CACNA1C: variants seen among roughly 807,000 people sequenced by gnomAD.
CACNA1C encodes voltage-dependent L-type calcium channel subunit alpha-1C.
A neutral mutation model predicts 229.0 loss-of-function variants in CACNA1C; 30 were observed. That is an observed-to-expected ratio of 0.13 (90% confidence interval 0.10 to 0.18). The LOEUF is 0.18. CACNA1C is among the 10% of genes least tolerant of loss of function. The probability of loss-of-function intolerance (pLI) is 1.00; values close to 1 mark genes in which losing one functional copy is unlikely to be tolerated. For synonymous variants in CACNA1C, 1,114 were observed against 1,132.5 expected, an observed-to-expected ratio of 0.98 and a Z score of 0.33; for missense variants, 1,658 against 2,845.0, an observed-to-expected ratio of 0.58 and a Z score of 9.49.
chr12:2,685,135 T>C (rs1012061271), intron 43 of CACNA1C, among the ~76,000 whole-genome samples: 1 of 152,192 alleles, frequency 6.6e-6, no homozygotes, highest in African/African-American at 2.4e-5. Context: ...CAGGTGTGTC[T>C]GTGCATGATG....
intron 13 of CACNA1C, among the ~76,000 whole-genome samples, chr12:2,572,370 C>CCTCTTCCTCCTCCT (rs1568495611): frequency 0.018 from 31 of 1,728 alleles, 5 homozygotes; most frequent in Non-Finnish European, 0.028. Context: ...TCCTCCTTCT[C>CCTCTTCCTCCTCCT]CTCTTCCTCC....
chr12:2,619,252 G>A lies in CACNA1C; in HGVS notation c.3828+7239G>A, dbSNP rs1308477553. On this transcript the variant is annotated intron_variant, in intron 29 of 46. Coordinates refer to ENST00000399655, the MANE Select transcript of CACNA1C (RefSeq NM_000719.7). ...AGGAAGACTGCCTTAGCATACTGTGGTGAGACTGAGTGAGGTCATATCTAC... is the reference window on the plus strand; with the variant it reads ...AGGAAGACTGCCTTAGCATACTGTGATGAGACTGAGTGAGGTCATATCTAC... Among the ~76,000 whole-genome samples, 4 of 152,302 alleles carry A rather than the reference G, an allele frequency of 2.6e-5. No homozygotes were observed. The South Asian group carries it at 6.2e-4, about 24-fold the overall frequency.
chr12:2,671,808 C>T (rs1441168534), intron 38 of CACNA1C, among the ~76,000 whole-genome samples: 4 of 152,212 alleles, frequency 2.6e-5, no homozygotes. Flanking sequence ...GAATTACAGA[C>T]TATCTTTTAA....
chr12:2,614,177 C>A (rs2079247868), intron 29 of CACNA1C: 2 of 152,216 alleles, frequency 1.3e-5, no homozygotes, highest in Non-Finnish European at 1.5e-5. Context: ...TGCGAGTGGT[C>A]TAAACTGTAA....
chr12:2,640,099 A>G (rs956554269), intron 30 of CACNA1C, among the ~76,000 whole-genome samples: 7 of 152,212 alleles, frequency 4.6e-5, no homozygotes, highest in African/African-American at 1.2e-4. Flanking sequence ...CGGATCAGGC[A>G]TCATGCTGAG....
chr12:2,582,580 TG>T (rs999924415), intron 14 of CACNA1C, among the ~76,000 whole-genome samples: 12 of 152,312 alleles, frequency 7.9e-5, no homozygotes, highest in African/African-American at 2.9e-4. Flanking sequence ...CAGAGATCTT[TG>T]GGCCAAAAAG....
chr12:2,514,350 T>C (rs1260588969), intron 9 of CACNA1C, among the ~76,000 whole-genome samples: 2 of 152,198 alleles, frequency 1.3e-5, no homozygotes, highest in Admixed American at 6.5e-5. Flanking sequence ...AAATACAAAA[T>C]TAAAGCACAC....
Position 2,595,746 on chromosome 12 carries a change from A to G in CACNA1C, c.2664-128A>G, listed in dbSNP as rs2067835348. On this transcript the variant is annotated intron_variant, in intron 19 of 46. Transcript: ENST00000399655. This position sits in a 1 kb window ranked among gnomAD's most constrained non-coding sequence, Gnocchi z 4.1. The stretch of plus-strand genomic sequence containing the variant: ...AGTAAGACTTCAGAATGAAGAGGTC[A>G]CTTCAGGCCAACAAGCACCTGTTGC... The G allele has an allele frequency of 1.3e-6, 1 of 742,638 alleles. No homozygotes were observed. Among genetic ancestry groups the G allele is most frequent in the Non-Finnish European group, 2.2e-6 (1 of 459,062 alleles). The allele number at this position is 742,638 out of a possible 1,614,324, so 46.0% of individuals were successfully genotyped here.
chr12:2,245,984 T>C (rs1395977809), intron 3 of CACNA1C, among the ~76,000 whole-genome samples: 1 of 152,230 alleles, frequency 6.6e-6, no homozygotes, highest in Non-Finnish European at 1.5e-5. Context: ...ACTACCTGCA[T>C]GTTGTTGCTT....
At chr12:2,463,410 G>A (rs2099528972) in intron 5 of CACNA1C, among the ~76,000 whole-genome samples, 1 of 152,184 alleles carries the variant, frequency 6.6e-6, no homozygotes, top group Non-Finnish European at 1.5e-5. Flanking sequence ...CAGATGCTAA[G>A]TGTGTTCTAG....
chr12:1,973,278 A>T (rs2033125394), intron 1 of CACNA1C, among the ~76,000 whole-genome samples: 1 of 152,210 alleles, frequency 6.6e-6, no homozygotes, highest in Non-Finnish European at 1.5e-5. Flanking sequence ...TGGAAGGTTC[A>T]AAGCAGATGA....
intron 3 of CACNA1C, among the ~76,000 whole-genome samples, chr12:2,184,876 A>G (rs958057774): frequency 2.0e-5 from 3 of 152,196 alleles, no homozygotes; most frequent in Non-Finnish European, 2.9e-5. Flanking sequence ...ACTGACATCT[A>G]AAGGGCTCAT....
At chr12:2,682,860 A>ACACAC in intron 43 of CACNA1C, among the ~76,000 whole-genome samples, 182 bp downstream of exon 43, 1 of 28,174 alleles carries the variant, frequency 3.5e-5, no homozygotes, top group Admixed American at 5.9e-4. Flanking sequence ...AACACACAAC[A>ACACAC]CACACAAACA....
intron 1 of CACNA1C, among the ~76,000 whole-genome samples, chr12:2,037,819 C>G (rs941821833): frequency 2.0e-5 from 3 of 152,208 alleles, no homozygotes; most frequent in Non-Finnish European, 4.4e-5. Flanking sequence ...ATCTCAGGCT[C>G]TACCCAGATC....
At chr12:2,272,620 C>G (rs1414308032) in intron 3 of CACNA1C, among the ~76,000 whole-genome samples, 1 of 152,194 alleles carries the variant, frequency 6.6e-6, no homozygotes, top group Non-Finnish European at 1.5e-5. Context: ...GGGAGTTTGA[C>G]GGTTGGCTGT....
chr12:2,477,340 G>A (rs2154569008), intron 5 of CACNA1C, among the ~76,000 whole-genome samples: 1 of 152,294 alleles, frequency 6.6e-6, no homozygotes, highest in East Asian at 1.9e-4. Context: ...ATAGTAAGAG[G>A]ATATTTATCT....
chr12:2,450,416 AG>A (rs1318043888), intron 4 of CACNA1C, among the ~76,000 whole-genome samples: 1 of 151,532 alleles, frequency 6.6e-6, no homozygotes, highest in Non-Finnish European at 1.5e-5. Flanking sequence ...TAGCCGGGCG[AG>A]GTGGCGGGCG....
intron 3 of CACNA1C, among the ~76,000 whole-genome samples, chr12:2,200,462 C>CT (rs1464272633): frequency 1.3e-5 from 2 of 152,126 alleles, no homozygotes; most frequent in Non-Finnish European, 2.9e-5. Flanking sequence ...GCCAGGGAAG[C>CT]CGCTAAACAT....
chr12:2,343,620 G>A (rs1263028165), intron 3 of CACNA1C, among the ~76,000 whole-genome samples: 2 of 152,190 alleles, frequency 1.3e-5, no homozygotes, highest in Non-Finnish European at 2.9e-5. Context: ...CAGGACTGTG[G>A]CTGGGTGGGC....
Sources: allele counts gnomAD v4.1 joint callset (sites outside exome capture counted in the v4.1 genomes callset), GRCh38; gene constraint gnomAD v4.1.1; non-coding constraint Gnocchi (gnomAD v3.1); transcripts MANE v1.5; gene names NCBI Gene and HGNC (gene_info 2026-07-23, HGNC 2026-07-21).